Variants in SPMAP2L observed in about 807,000 individuals in gnomAD.
SPMAP2L encodes the protein sperm microtubule associated protein 2 like, also known as sperm microtubule associated protein 2-like.
the SPMAP2L span, among the ~76,000 whole-genome samples, chr4:56,598,665 G>T: frequency 6.6e-6 from 1 of 151,718 alleles, no homozygotes; most frequent in East Asian, 1.9e-4. Context: ...GGGAGTCTGT[G>T]TGGCTGGAAT....
At chr4:56,542,164 G>A in the SPMAP2L span, among the ~76,000 whole-genome samples, 4 of 152,226 alleles carry the variant, frequency 2.6e-5, no homozygotes, top group Admixed American at 6.5e-5. Flanking sequence ...TTGCCTGGCG[G>A]CGGGGACATC....
chr4:56,622,567 G>T, the SPMAP2L span, among the ~76,000 whole-genome samples: 1 of 152,150 alleles, frequency 6.6e-6, no homozygotes, highest in South Asian at 2.1e-4. Flanking sequence ...GTGCTTTATT[G>T]TTAGTATCTT....
the SPMAP2L span, chr4:56,594,118 C>G: frequency 1.2e-6 from 2 of 1,607,668 alleles, no homozygotes; most frequent in Middle Eastern, 3.9e-4. Flanking sequence ...TGTTGCGGAT[C>G]TTTGTTTGTG....
At chr4:56,623,596 G>A in the SPMAP2L span, among the ~76,000 whole-genome samples, 1 of 152,160 alleles carries the variant, frequency 6.6e-6, no homozygotes, top group African/African-American at 2.4e-5. Flanking sequence ...ATGTGTTGTG[G>A]GAGGGACTGA....
At chr4:56,565,724 T>A in the SPMAP2L span, among the ~76,000 whole-genome samples, 1 of 152,200 alleles carries the variant, frequency 6.6e-6, no homozygotes, top group Non-Finnish European at 1.5e-5. Context: ...TGTTTAGACT[T>A]GGGACTACTT....
At chr4:56,624,213 T>A in the SPMAP2L span, among the ~76,000 whole-genome samples, 2 of 152,112 alleles carry the variant, frequency 1.3e-5, no homozygotes, top group Admixed American at 1.3e-4. Context: ...AATTTGAACT[T>A]GAGAGAGATG....
chr4:56,546,311 T>C, the SPMAP2L span, among the ~76,000 whole-genome samples: 1,745 of 152,298 alleles, frequency 0.011, 19 homozygotes, highest in Non-Finnish European at 0.018. Context: ...GATCAGAAGT[T>C]AGAGCCAAAA....
At chr4:56,552,548 G>A in the SPMAP2L span, 6 of 1,500,766 alleles carry the variant, frequency 4.0e-6, no homozygotes, top group Admixed American at 1.2e-4. Context: ...CTATTTGTTA[G>A]TTTTTCTTCT....
the SPMAP2L span, among the ~76,000 whole-genome samples, chr4:56,582,917 C>T: frequency 6.6e-6 from 1 of 152,126 alleles, no homozygotes; most frequent in Non-Finnish European, 1.5e-5. Context: ...CATCAATCTT[C>T]TAAACATGCT....
At chr4:56,591,982 C>T in the SPMAP2L span, among the ~76,000 whole-genome samples, 207 of 152,288 alleles carry the variant, frequency 1.4e-3, 1 homozygote, top group East Asian at 0.033. Flanking sequence ...TAGCAGGGAT[C>T]CCCAACCCCT....
At chr4:56,561,032 C>G in the SPMAP2L span, among the ~76,000 whole-genome samples, 1 of 152,216 alleles carries the variant, frequency 6.6e-6, no homozygotes, top group Non-Finnish European at 1.5e-5. Context: ...ATGCATGAGC[C>G]ATCACGCCTG....
the SPMAP2L span, among the ~76,000 whole-genome samples, chr4:56,589,153 T>C: frequency 2.0e-5 from 3 of 151,998 alleles, no homozygotes; most frequent in African/African-American, 7.3e-5. Context: ...CACACCTGGC[T>C]AATTTTGGTA....
the SPMAP2L span, among the ~76,000 whole-genome samples, chr4:56,543,895 A>AGTGTGT: frequency 2.6e-4 from 28 of 109,460 alleles, no homozygotes; most frequent in South Asian, 8.6e-4. Flanking sequence ...AGAGAGAGAG[A>AGTGTGT]GTGTGTGTGT....
the SPMAP2L span, chr4:56,593,177 G>C: frequency 6.5e-7 from 1 of 1,541,888 alleles, no homozygotes; most frequent in Non-Finnish European, 9.0e-7. Context: ...GGGGAGGCTG[G>C]AGAGTTTACT....
chr4:56,569,814 A>G, the SPMAP2L span, among the ~76,000 whole-genome samples: 6 of 152,114 alleles, frequency 3.9e-5, no homozygotes, highest in African/African-American at 9.7e-5. Flanking sequence ...AAGTTACTGG[A>G]GATGTCTTTA....
chr4:56,545,222 C>G, the SPMAP2L span, among the ~76,000 whole-genome samples: 1 of 152,168 alleles, frequency 6.6e-6, no homozygotes, highest in African/African-American at 2.4e-5. Context: ...TACAACTATG[C>G]TAGGCTTTAT....
the SPMAP2L span, among the ~76,000 whole-genome samples, chr4:56,560,324 C>G: frequency 6.6e-6 from 1 of 152,174 alleles, no homozygotes; most frequent in South Asian, 2.1e-4. Flanking sequence ...GTCCTGGCTT[C>G]TCTCCCATCT....
At chr4:56,595,499 C>T in the SPMAP2L span, 36 of 1,554,058 alleles carry the variant, frequency 2.3e-5, no homozygotes, top group Non-Finnish European at 3.0e-5. Context: ...CTGAAGATGT[C>T]TCCACACTCC....
chr4:56,598,234 G>T, the SPMAP2L span, among the ~76,000 whole-genome samples: 2 of 152,156 alleles, frequency 1.3e-5, no homozygotes, highest in Non-Finnish European at 2.9e-5. Flanking sequence ...TACCAATAAA[G>T]CAACATAACA....
Sources: allele counts gnomAD v4.1 joint callset (sites outside exome capture counted in the v4.1 genomes callset), GRCh38; gene constraint gnomAD v4.1.1; transcripts MANE v1.5; gene names NCBI Gene and HGNC (gene_info 2026-07-23, HGNC 2026-07-21).